Variants in ZNF568 observed in about 807,000 individuals in gnomAD.
ZNF568 encodes the protein p53 inhibitor of SCO2 activation.
ZNF568 carries 11 observed loss-of-function variants against 18.1 expected under a neutral mutation model. The ratio of observed to expected loss-of-function variants is 0.61; its 90% CI spans 0.38 to 1.00. ZNF568 has a LOEUF of 1.00. Ranked by LOEUF, ZNF568 falls within the 50% of genes least tolerant of loss-of-function variation. ZNF568 has a pLI of 0.01. For synonymous variants in ZNF568, 213 were observed against 246.6 expected (o/e 0.86, Z 1.28); for missense variants, 639 against 768.2 (o/e 0.83, Z 1.99).
chr19:36,928,706 A>G (rs2073627324), intron 4 of ZNF568, among the ~76,000 whole-genome samples: 1 of 152,188 alleles, frequency 6.6e-6, no homozygotes, highest in Non-Finnish European at 1.5e-5. Context: ...AAAAATCAAT[A>G]CCATTTTTCT....
chr19:36,980,020 T>C (rs2074318589), downstream of ZNF568: 1 of 152,170 alleles, frequency 6.6e-6, no homozygotes, highest in African/African-American at 2.4e-5. Context: ...ATTCATGTTT[T>C]CTCTTTTCTG....
intron 3 of ZNF568, among the ~76,000 whole-genome samples, chr19:36,924,254 T>G (rs898514185): frequency 2.0e-5 from 3 of 152,004 alleles, no homozygotes; most frequent in African/African-American, 7.2e-5. Flanking sequence ...AGTCTCGCTC[T>G]GTCGCCCAGG....
rs2074060455 is a variant in ZNF568 at position 36,951,629 on chromosome 19, A to C, written c.*541A>C. The C allele has an allele frequency of 6.6e-6, 1 of 151,954 alleles. No individual in the cohort carries two copies. Among genetic ancestry groups the C allele is most frequent in the Admixed American group, 6.6e-5 (1 of 15,242 alleles). 9.4% of individuals were successfully genotyped at this position (151,954 alleles called of 1,614,324 possible). ...ATATTTGACTCTCCGTATTGGAGAA[A>C]ATAAAATTACAACATTACGACATAC... is the stretch of plus-strand genomic sequence containing the variant. On this transcript the variant is annotated 3_prime_UTR_variant, in exon 7 of 7. Transcript: ENST00000333987.
At chr19:36,926,334 C>T (rs2073553076) in intron 4 of ZNF568, among the ~76,000 whole-genome samples, 1 of 152,168 alleles carries the variant, frequency 6.6e-6, no homozygotes, top group African/African-American at 2.4e-5. Context: ...TTATGTCTTT[C>T]ACATCATGAA....
intron 7 of ZNF568, among the ~76,000 whole-genome samples, chr19:36,977,225 A>G (rs1281806202): frequency 4.6e-5 from 7 of 152,140 alleles, no homozygotes; most frequent in African/African-American, 1.7e-4. Context: ...ATATTTTCCT[A>G]AAATACTTTC....
At chr19:36,969,591 A>C (rs1159825015) in intron 6 of ZNF568, among the ~76,000 whole-genome samples, 2 of 151,734 alleles carry the variant, frequency 1.3e-5, no homozygotes, top group African/African-American at 4.8e-5. Flanking sequence ...GGGAGAATCT[A>C]TTTCCTTGTC....
downstream of ZNF568, among the ~76,000 whole-genome samples, chr19:36,955,553 A>G (rs1267356285): frequency 6.6e-6 from 1 of 152,304 alleles, no homozygotes; most frequent in Non-Finnish European, 1.5e-5. Context: ...AAATAATAAG[A>G]TAGATATAAG....
At chr19:36,977,324 G>A (rs2074294098) in intron 7 of ZNF568, among the ~76,000 whole-genome samples, 1 of 152,126 alleles carries the variant, frequency 6.6e-6, no homozygotes, top group Non-Finnish European at 1.5e-5. Flanking sequence ...AATTTGGAGT[G>A]TTTATTTAGA....
chr19:36,925,206 G>A lies in ZNF568; in HGVS notation c.83G>A (p.Cys28Tyr). The change falls in exon 4 of 7, where the codon TGT becomes TAT. Residue 28 changes from cysteine to tyrosine, a missense_variant. Physicochemically the swap from Cys to Tyr is radical, Grantham distance 194. Transcript: ENST00000333987. Reference sequence around the variant, plus strand: ...TTCATTTCTCTTCCCTCAGCTTGGTGTTCTCAAGAGTCTGCCCTTTCCGAG... The same window carrying A: ...TTCATTTCTCTTCCCTCAGCTTGGTATTCTCAAGAGTCTGCCCTTTCCGAG... Reference protein sequence around the residue: ...LSHMMERKAWCSQESALSEEE... With the variant: ...LSHMMERKAWYSQESALSEEE... The A allele has an allele frequency of 6.2e-7, 1 of 1,614,046 alleles. No individual in the cohort carries two copies.
downstream of ZNF568, among the ~76,000 whole-genome samples, chr19:36,984,447 G>T (rs568549304): frequency 2.7e-4 from 41 of 152,104 alleles, no homozygotes; most frequent in Admixed American, 3.9e-4. Context: ...TATATTCTTG[G>T]TAAATAAGGA....
chr19:36,948,486 A>T (rs1240280114), intron 6 of ZNF568, among the ~76,000 whole-genome samples: 3 of 152,132 alleles, frequency 2.0e-5, no homozygotes, highest in Non-Finnish European at 4.4e-5. Context: ...ACCAAGCATG[A>T]TTGCTGAATA....
chr19:36,927,882 A>AT (rs1245194694), intron 4 of ZNF568, among the ~76,000 whole-genome samples: 59 of 52,972 alleles, frequency 1.1e-3, no homozygotes, highest in East Asian at 1.3e-3. Context: ...ATATATATAT[A>AT]TATATTATAT....
Position 36,949,976 on chromosome 19 carries a change from GA to G in ZNF568, c.828del (p.Lys276AsnfsTer106), listed in dbSNP as rs1240996138. On this transcript the variant is annotated frameshift_variant, in exon 7 of 7. Transcript: ENST00000333987. LOFTEE classifies it low-confidence loss of function (END_TRUNC). ...TACACATCAGAAAATTCATACTGGG[GA>G]AAAACCGTATAAGTGTAATGAATGT... is the stretch of plus-strand genomic sequence containing the variant. ...LITHQKIHTGEKPYKCNECGK... is the reference protein window; with the variant it reads ...LITHQKIHTGXKPYKCNECGK... 6.2e-7 allele frequency: 1 copy of G among 1,613,864 alleles called. No homozygotes were observed. Among genetic ancestry groups the G allele is most frequent in the South Asian group, 1.1e-5 (1 of 91,070 alleles).
downstream of ZNF568, among the ~76,000 whole-genome samples, chr19:36,982,730 A>G (rs146559572): frequency 2.0e-5 from 3 of 152,254 alleles, no homozygotes; most frequent in East Asian, 5.8e-4. Flanking sequence ...AAAGAAAAGA[A>G]ATGATCCTAA....
At chr19:36,972,152 GTATT>G (rs2074241287) in intron 6 of ZNF568, among the ~76,000 whole-genome samples, 2 of 152,008 alleles carry the variant, frequency 1.3e-5, no homozygotes, top group Admixed American at 1.3e-4. Context: ...TTTAAATACA[GTATT>G]TATTTTAAAA....
chr19:36,937,274 A>G (rs1407473536), intron 6 of ZNF568, 32 bp downstream of exon 6: 1 of 1,578,232 alleles, frequency 6.3e-7, no homozygotes, highest in African/African-American at 1.3e-5. Context: ...CTGAATGAGA[A>G]AGCCACATGA....
At chr19:36,919,530 C>G (rs564879674) in intron 2 of ZNF568, among the ~76,000 whole-genome samples, 33 of 152,210 alleles carry the variant, frequency 2.2e-4, no homozygotes, top group Admixed American at 6.5e-4. Flanking sequence ...CAACCTATAT[C>G]CCTCGCATGC....
At chr19:36,957,013 A>G (rs2074111979), downstream of ZNF568, among the ~76,000 whole-genome samples, 1 of 152,192 alleles carries the variant, frequency 6.6e-6, no homozygotes, top group East Asian at 1.9e-4. Context: ...AAAAAACATA[A>G]TAAGAGCGTC....
intron 6 of ZNF568, among the ~76,000 whole-genome samples, chr19:36,940,096 C>T (rs2073856048): frequency 6.6e-6 from 1 of 152,194 alleles, no homozygotes; most frequent in Non-Finnish European, 1.5e-5. Flanking sequence ...CACTGGACAT[C>T]ACCCAAAGTA....
Sources: allele counts gnomAD v4.1 joint callset (sites outside exome capture counted in the v4.1 genomes callset), GRCh38; gene constraint gnomAD v4.1.1; transcripts MANE v1.5; gene names NCBI Gene and HGNC (gene_info 2026-07-23, HGNC 2026-07-21).